The following LRRTM4 variants were observed in gnomAD, a reference collection of about 807,000 sequenced individuals.
The protein encoded by LRRTM4 is leucine-rich repeat transmembrane neuronal protein 4.
A neutral mutation model predicts 47.6 loss-of-function variants in LRRTM4; 25 were observed. The ratio of observed to expected loss-of-function variants is 0.53; its 90% CI spans 0.38 to 0.73. LRRTM4 has a LOEUF of 0.73. Ranked by LOEUF, LRRTM4 falls within the 30% of genes least tolerant of loss-of-function variation. The pLI, the probability that LRRTM4 is intolerant of heterozygous loss-of-function variation, is 0.00. For missense variants in LRRTM4, 638 were observed against 713.4 expected (o/e 0.89, Z 1.20); for synonymous variants, 311 against 269.5 (o/e 1.15, Z -1.51).
intron 3 of LRRTM4, among the ~76,000 whole-genome samples, chr2:77,366,759 C>A (rs1672477026): frequency 6.6e-6 from 1 of 151,782 alleles, no homozygotes; most frequent in Non-Finnish European, 1.5e-5. Context: ...AATAGACTCT[C>A]TAGTCTCAAG....
chr2:76,944,400 C>T (rs879918611), intron 3 of LRRTM4, among the ~76,000 whole-genome samples: 1 of 152,104 alleles, frequency 6.6e-6, no homozygotes, highest in Non-Finnish European at 1.5e-5. Context: ...CATCTACTTA[C>T]TTATTTACTC....
intron 3 of LRRTM4, among the ~76,000 whole-genome samples, chr2:77,166,387 T>C (rs1439671617): frequency 6.6e-6 from 1 of 152,144 alleles, no homozygotes; most frequent in African/African-American, 2.4e-5. Flanking sequence ...CTGTCCAAGA[T>C]AATTATAGAT....
At chr2:77,111,840 A>T (rs1270349904) in intron 3 of LRRTM4, among the ~76,000 whole-genome samples, 2 of 152,162 alleles carry the variant, frequency 1.3e-5, no homozygotes, top group Non-Finnish European at 2.9e-5. Flanking sequence ...AAGAAAAAAA[A>T]ATTGTATGCT....
intron 3 of LRRTM4, among the ~76,000 whole-genome samples, chr2:76,801,170 C>G (rs1675656407): frequency 6.6e-6 from 1 of 152,094 alleles, no homozygotes; most frequent in Non-Finnish European, 1.5e-5. Flanking sequence ...TGGGTATATA[C>G]CCAAATGCCT....
At chr2:77,284,166 A>C (rs2104107722) in intron 3 of LRRTM4, among the ~76,000 whole-genome samples, 1 of 152,148 alleles carries the variant, frequency 6.6e-6, no homozygotes, top group Admixed American at 6.6e-5. Context: ...GTTAATAGAT[A>C]ATAGTTACAT....
At chr2:77,316,281 C>T (rs181448290) in intron 3 of LRRTM4, among the ~76,000 whole-genome samples, 58 of 152,144 alleles carry the variant, frequency 3.8e-4, no homozygotes, top group African/African-American at 1.3e-3. Flanking sequence ...CAGAATGATG[C>T]GTAAGTTCTC....
Position 77,124,303 on chromosome 2 carries a change from C to G in LRRTM4, c.1552-375387G>C, listed in dbSNP as rs374138033. On this transcript the variant is annotated intron_variant, in intron 3 of 3. Coordinates refer to ENST00000409884, the MANE Select transcript of LRRTM4 (RefSeq NM_001134745.3). ...GTGGCCTGGGGCTTATACAGAGCAACAAGAACAGGAACCAAGTTAAATACA... is the reference window on the plus strand; with the variant it reads ...GTGGCCTGGGGCTTATACAGAGCAAGAAGAACAGGAACCAAGTTAAATACA... Among the ~76,000 whole-genome samples the G allele has an allele frequency of 2.6e-5, 4 of 152,046 alleles. No homozygotes were observed. In the East Asian group the frequency reaches 5.8e-4, roughly 22 times the overall value.
At chr2:77,322,401 ACT>A (rs1238735938) in intron 3 of LRRTM4, among the ~76,000 whole-genome samples, 1 of 152,078 alleles carries the variant, frequency 6.6e-6, no homozygotes, top group Non-Finnish European at 1.5e-5. Flanking sequence ...TTGAGGATAA[ACT>A]CTTAGTGTTT....
intron 3 of LRRTM4, among the ~76,000 whole-genome samples, chr2:77,044,423 T>C: frequency 6.6e-6 from 1 of 151,772 alleles, no homozygotes; most frequent in East Asian, 1.9e-4. Flanking sequence ...ACTTCTATCC[T>C]ATTCTCTCTG....
chr2:77,103,647 G>GCA (rs1553389656), intron 3 of LRRTM4, among the ~76,000 whole-genome samples: 14 of 124,126 alleles, frequency 1.1e-4, no homozygotes, highest in African/African-American at 4.3e-4. Context: ...ATACATGAGT[G>GCA]TATATATATA....
intron 3 of LRRTM4, among the ~76,000 whole-genome samples, chr2:76,772,185 TCTCTGA>T (rs1673741006): frequency 6.6e-6 from 1 of 151,994 alleles, no homozygotes; most frequent in Non-Finnish European, 1.5e-5. Context: ...CCCGGAGAGC[TCTCTGA>T]CTCTACTCTT....
intron 3 of LRRTM4, among the ~76,000 whole-genome samples, chr2:77,024,662 CTTATT>C (rs1407710975): frequency 6.6e-6 from 1 of 151,926 alleles, no homozygotes; most frequent in African/African-American, 2.4e-5. Flanking sequence ...GATAATAAAA[CTTATT>C]TTACTCACTT....
intron 3 of LRRTM4, among the ~76,000 whole-genome samples, chr2:77,173,341 T>A (rs999923559): frequency 1.3e-5 from 2 of 152,196 alleles, no homozygotes; most frequent in South Asian, 4.1e-4. Context: ...CCATTTACTC[T>A]TTTATTTTTG....
chr2:77,008,138 G>C lies in LRRTM4; in HGVS notation c.1552-259222C>G, dbSNP rs531724737. Among the ~76,000 whole-genome samples the C allele has an allele frequency of 5.9e-5, 9 of 152,206 alleles. No individual in the cohort carries two copies. In the South Asian group the frequency reaches 1.7e-3, roughly 28 times the overall value. On this transcript the variant is annotated intron_variant, in intron 3 of 3. Coordinates refer to ENST00000409884, the MANE Select transcript of LRRTM4 (RefSeq NM_001134745.3). ...ATCAATGAAAGAGACAATGAAAAAAGAGAATAAGTAAAAACTTCAAATGTT... is the reference window on the plus strand; with the variant it reads ...ATCAATGAAAGAGACAATGAAAAAACAGAATAAGTAAAAACTTCAAATGTT...
chr2:77,151,887 C>A (rs763654192), intron 3 of LRRTM4, among the ~76,000 whole-genome samples: 17 of 152,044 alleles, frequency 1.1e-4, no homozygotes, highest in Non-Finnish European at 1.9e-4. Context: ...TAGTATGTAT[C>A]CACCTTAATG....
chr2:77,337,940 A>G (rs1181351280), intron 3 of LRRTM4, among the ~76,000 whole-genome samples: 1 of 152,096 alleles, frequency 6.6e-6, no homozygotes, highest in East Asian at 1.9e-4. Context: ...TAAAGCTGCC[A>G]ACATACAGCC....
At chr2:76,819,854 C>T (rs1349696410) in intron 3 of LRRTM4, among the ~76,000 whole-genome samples, 23 of 151,848 alleles carry the variant, frequency 1.5e-4, no homozygotes, top group Admixed American at 1.5e-3. Context: ...AAGGTGAAAC[C>T]ACCTACTTTT....
At chr2:77,428,549 G>C (rs1044735211) in intron 3 of LRRTM4, among the ~76,000 whole-genome samples, 1 of 152,154 alleles carries the variant, frequency 6.6e-6, no homozygotes, top group Non-Finnish European at 1.5e-5. Flanking sequence ...GCCCACAGTA[G>C]AATATTGCCT....
At chr2:77,419,738 T>A (rs1674795616) in intron 3 of LRRTM4, among the ~76,000 whole-genome samples, 1 of 152,090 alleles carries the variant, frequency 6.6e-6, no homozygotes, top group Non-Finnish European at 1.5e-5. Context: ...AGTATGGACA[T>A]TTCATAATAA....
Sources: gnomAD v4.1 joint callset for allele counts (sites outside exome capture counted in the v4.1 genomes callset) on GRCh38, gnomAD v4.1.1 for gene constraint, MANE v1.5 for transcripts, NCBI Gene and HGNC (gene_info 2026-07-23, HGNC 2026-07-21) for gene names.